NRXN3: variants seen among roughly 807,000 people sequenced by gnomAD.
The protein encoded by NRXN3 is neurexin III.
NRXN3 carries 32 observed loss-of-function variants against 137.6 expected under a neutral mutation model. That is an observed-to-expected ratio of 0.23 (90% CI 0.18 to 0.31). The LOEUF (loss-of-function observed/expected upper bound fraction) is 0.31. NRXN3 is among the 10% of genes least tolerant of loss of function. The pLI is 1.00. For missense variants in NRXN3, 1,574 were observed against 2,062.5 expected (o/e 0.76, Z 4.59); for synonymous variants, 798 against 784.5 (o/e 1.02, Z -0.29).
intron 16 of NRXN3, among the ~76,000 whole-genome samples, chr14:79,517,100 C>A (rs1039676700): frequency 2.7e-5 from 4 of 146,124 alleles, no homozygotes; most frequent in East Asian, 2.0e-4. Context: ...CAGCCCCCCC[C>A]CCCTCAACGA....
chr14:78,713,935 C>A (rs939145698), intron 7 of NRXN3, among the ~76,000 whole-genome samples: 1 of 152,184 alleles, frequency 6.6e-6, no homozygotes, highest in African/African-American at 2.4e-5. Context: ...GGTGGGAACA[C>A]AGCCAAACCA....
chr14:78,658,499 C>T (rs1198135411), intron 6 of NRXN3, among the ~76,000 whole-genome samples: 1 of 152,156 alleles, frequency 6.6e-6, no homozygotes, highest in African/African-American at 2.4e-5. Context: ...CCACTTACTG[C>T]TCTTCACCAT....
intron 10 of NRXN3, among the ~76,000 whole-genome samples, chr14:78,922,050 A>T (rs909034215): frequency 6.6e-6 from 1 of 152,198 alleles, no homozygotes; most frequent in Admixed American, 6.5e-5. Context: ...TTGCTGCTGA[A>T]GTTGTAACCC....
intron 6 of NRXN3, among the ~76,000 whole-genome samples, chr14:78,669,848 A>T (rs1368448703): frequency 6.6e-6 from 1 of 151,856 alleles, no homozygotes; most frequent in African/African-American, 2.4e-5. Flanking sequence ...GGATTTTTTT[A>T]AATTTTATGT....
intron 18 of NRXN3, among the ~76,000 whole-genome samples, chr14:79,694,877 G>A (rs1319397117): frequency 2.0e-5 from 3 of 151,942 alleles, no homozygotes; most frequent in Admixed American, 6.6e-5. Context: ...CAGAAGAGCA[G>A]ATCTAGCCAG....
chr14:78,188,146 G>A (rs1458693124), intron 1 of NRXN3, among the ~76,000 whole-genome samples: 2 of 152,184 alleles, frequency 1.3e-5, no homozygotes, highest in Admixed American at 6.5e-5. Flanking sequence ...GTTACATCCG[G>A]GACCAAAAAC....
intron 1 of NRXN3, among the ~76,000 whole-genome samples, chr14:78,225,785 C>T (rs1161031568): frequency 1.3e-5 from 2 of 152,106 alleles, no homozygotes; most frequent in African/African-American, 4.8e-5. Flanking sequence ...TCTGCTGGGA[C>T]ACCTCCCCTG....
intron 10 of NRXN3, among the ~76,000 whole-genome samples, chr14:78,872,873 A>G (rs751227000): frequency 3.3e-5 from 5 of 152,182 alleles, no homozygotes; most frequent in Admixed American, 6.5e-5. Flanking sequence ...AAATTTACAC[A>G]TAATCCTACT....
rs567209990 is a variant in NRXN3, at chr14:79,853,273, GTCT to G, written c.4094-8064_4094-8062del. 5.3e-5 allele frequency among the ~76,000 whole-genome samples: 8 copies of G among 152,240 alleles called. No individual in the cohort carries two copies. In the East Asian group the frequency reaches 1.5e-3, roughly 29 times the overall value. On this transcript the variant is annotated intron_variant, in intron 20 of 20. Coordinates refer to ENST00000335750, the MANE Select transcript of NRXN3 (RefSeq NM_001330195.2). ...TGTTCAACTTGAATGCATAAATCTA[GTCT>G]TCTTGTTTTTGCTTTAAACTTTTTG...
intron 15 of NRXN3, among the ~76,000 whole-genome samples, chr14:79,247,697 C>T (rs945948282): frequency 6.6e-6 from 1 of 152,024 alleles, no homozygotes; most frequent in African/African-American, 2.4e-5. Flanking sequence ...ATTTCCTAGA[C>T]TGTATACATA....
chr14:78,263,873 TTGTGTGTGTGTGTGTGTG>T (rs3059009), intron 2 of NRXN3, among the ~76,000 whole-genome samples: 51 of 135,650 alleles, frequency 3.8e-4, no homozygotes, highest in South Asian at 1.3e-3. Context: ...CAGTTCTATT[TTGTGTGTGTGTGTGTGTG>T]TGTGTGTGTG....
At chr14:78,604,465 A>C (rs1344457306) in intron 4 of NRXN3, among the ~76,000 whole-genome samples, 2 of 152,238 alleles carry the variant, frequency 1.3e-5, no homozygotes, top group African/African-American at 4.8e-5. Flanking sequence ...CAAGGGCTGC[A>C]GTTGAGTACT....
chr14:79,686,573 A>G (rs1315314555), intron 17 of NRXN3, among the ~76,000 whole-genome samples: 2 of 152,180 alleles, frequency 1.3e-5, no homozygotes, highest in Non-Finnish European at 2.9e-5. Context: ...GGATAAAACC[A>G]TGCAATATAG....
chr14:78,361,208 C>T (rs1242908810), intron 4 of NRXN3, among the ~76,000 whole-genome samples: 6 of 152,134 alleles, frequency 3.9e-5, no homozygotes, highest in Admixed American at 3.9e-4. Context: ...AGGTCCCACC[C>T]CAGATCAATG....
intron 15 of NRXN3, among the ~76,000 whole-genome samples, chr14:79,228,917 A>T (rs1315285626): frequency 6.6e-6 from 1 of 152,164 alleles, no homozygotes; most frequent in East Asian, 1.9e-4. Context: ...TTTTTTGCAC[A>T]TCACTTTTGA....
At chr14:78,680,978 C>T (rs1404265253) in intron 6 of NRXN3, among the ~76,000 whole-genome samples, 1 of 152,184 alleles carries the variant, frequency 6.6e-6, no homozygotes, top group Non-Finnish European at 1.5e-5. Context: ...TTATCAGAAA[C>T]ATGGTGGCTA....
At chr14:78,875,196 C>A (rs2099111102) in intron 10 of NRXN3, among the ~76,000 whole-genome samples, 2 of 152,194 alleles carry the variant, frequency 1.3e-5, no homozygotes, top group African/African-American at 2.4e-5. Flanking sequence ...TTAAAAGGTT[C>A]TAGAACTGGC....
At chr14:79,640,124 G>C (rs2098425367) in intron 16 of NRXN3, among the ~76,000 whole-genome samples, 1 of 135,502 alleles carries the variant, frequency 7.4e-6, no homozygotes, top group African/African-American at 2.5e-5. Context: ...ACATAAGCCA[G>C]GGAGGCCAAC....
intron 15 of NRXN3, among the ~76,000 whole-genome samples, chr14:79,111,257 A>G (rs994982977): frequency 8.5e-5 from 13 of 152,232 alleles, no homozygotes; most frequent in African/African-American, 3.1e-4. Flanking sequence ...GGAAGGCCAA[A>G]TAGCATTTGA....
Sources: allele counts gnomAD v4.1 joint callset (sites outside exome capture counted in the v4.1 genomes callset), GRCh38; gene constraint gnomAD v4.1.1; transcripts MANE v1.5; gene names NCBI Gene and HGNC (gene_info 2026-07-23, HGNC 2026-07-21).